SORD: variants seen among roughly 807,000 people sequenced by gnomAD.
SORD encodes sorbitol dehydrogenase, also known as (R,R)-butanediol dehydrogenase.
SORD carries 18 observed loss-of-function variants against 35.6 expected under a neutral mutation model. That is an observed-to-expected ratio of 0.51 (90% CI 0.35 to 0.75). The LOEUF is 0.75. SORD is among the 30% of genes least tolerant of loss of function. The probability of loss-of-function intolerance (pLI) is 0.01; values close to 1 mark genes in which losing one functional copy is unlikely to be tolerated. For synonymous variants in SORD, 106 were observed against 152.9 expected, an observed-to-expected ratio of 0.69 and a Z score of 2.26; for missense variants, 250 against 390.2, an observed-to-expected ratio of 0.64 and a Z score of 3.03.
intron 1 of SORD, among the ~76,000 whole-genome samples, chr15:45,026,287 A>G (rs1892667502): frequency 6.6e-6 from 1 of 152,168 alleles, no homozygotes; most frequent in Non-Finnish European, 1.5e-5. Flanking sequence ...AATCCTGGGG[A>G]AGCTTTGAGG....
rs1305808300 is a variant in SORD, at chr15:45,040,452, G to A, written c.100+11G>A. The A allele has an allele frequency of 6.4e-7, 1 of 1,571,884 alleles. No individual in the cohort carries two copies. Among genetic ancestry groups the A allele is most frequent in the Non-Finnish European group, 8.8e-7 (1 of 1,142,104 alleles). On this transcript the variant is annotated intron_variant, in intron 2 of 8. Transcript: ENST00000267814. ...AACCAGGCCCAAATGGTAAGTTCTT[G>A]GGAAACATGACTTATATTTTATTAT...
chr15:45,027,642 C>T (rs929375508), intron 1 of SORD, among the ~76,000 whole-genome samples: 68 of 152,362 alleles, frequency 4.5e-4, no homozygotes, highest in African/African-American at 1.6e-3. Flanking sequence ...TGGGCCCAGG[C>T]AATAATCTTG....
intron 1 of SORD, among the ~76,000 whole-genome samples, chr15:45,030,288 C>T (rs74817413): frequency 0.21 from 31,109 of 150,598 alleles, no homozygotes; most frequent in African/African-American, 0.44. Flanking sequence ...CAGCCCTATT[C>T]TAAGGGGAGA....
Position 45,023,199 on chromosome 15 carries a change from C to A in SORD, c.-85C>A. The A allele has an allele frequency of 8.2e-7, 1 of 1,217,428 alleles. No individual in the cohort carries two copies. The highest frequency in any genetic ancestry group is 1.1e-6 in the Non-Finnish European group (1 of 892,354). The allele number at this position is 1,217,428 out of a possible 1,614,324, so 75.4% of individuals were successfully genotyped here. On this transcript the variant is annotated 5_prime_UTR_variant, in exon 1 of 9. Coordinates refer to ENST00000267814, the MANE Select transcript of SORD (RefSeq NM_003104.6). ...CCCAGGCCCCACCTTCCATCCAGTG[C>A]CCTGGACCCTCGGCTGGGTAGCGCC...
At chr15:45,064,842 G>T (rs377642813) in intron 4 of SORD, among the ~76,000 whole-genome samples, 1 of 152,182 alleles carries the variant, frequency 6.6e-6, no homozygotes, top group African/African-American at 2.4e-5. Context: ...CCACCATACC[G>T]TAGCTTGGAT....
In SORD at chr15:45,030,929, G is replaced by A. The variant is rs552425380; in HGVS notation, c.66+7580G>A. Among the ~76,000 whole-genome samples the A allele has an allele frequency of 6.0e-4, 91 of 152,366 alleles. 1 individual carries two copies. The highest frequency in any genetic ancestry group is 2.1e-4 in the South Asian group (1 of 4,830). On this transcript the variant is annotated intron_variant, in intron 1 of 8. Coordinates refer to ENST00000267814, the MANE Select transcript of SORD (RefSeq NM_003104.6). ...GTTCCAGCCTACTTGTGCTGACTCC[G>A]ACCAGGAGCCCAGAGGTTTCACAAT...
intron 3 of SORD, among the ~76,000 whole-genome samples, chr15:45,055,726 A>G (rs1893203919): frequency 6.6e-6 from 1 of 152,252 alleles, no homozygotes; most frequent in African/African-American, 2.4e-5. Flanking sequence ...ATGAACATTG[A>G]TGCAAAAATC....
At chr15:45,051,116 A>G (rs886711309) in intron 3 of SORD, among the ~76,000 whole-genome samples, 1 of 152,232 alleles carries the variant, frequency 6.6e-6, no homozygotes, top group African/African-American at 2.4e-5. Context: ...AGATGATTAA[A>G]ACAAGACAAC....
chr15:45,044,974 G>A (rs1394255602), intron 3 of SORD, among the ~76,000 whole-genome samples: 5 of 151,996 alleles, frequency 3.3e-5, no homozygotes, highest in Admixed American at 6.6e-5. Context: ...CTGTGATTAC[G>A]GGCCTGAGCC....
At chr15:45,028,488 G>T (rs1290591172) in intron 1 of SORD, among the ~76,000 whole-genome samples, 3 of 152,236 alleles carry the variant, frequency 2.0e-5, no homozygotes, top group African/African-American at 7.2e-5. Context: ...ATCTGAACAG[G>T]GAGAAGTATA....
At chr15:45,061,506 C>G (rs1451951689) in intron 4 of SORD, among the ~76,000 whole-genome samples, 1 of 152,092 alleles carries the variant, frequency 6.6e-6, no homozygotes, top group Non-Finnish European at 1.5e-5. Context: ...TGCAGACATC[C>G]TGGAGGGAAT....
At chr15:45,024,509 A>G (rs532332829) in intron 1 of SORD, among the ~76,000 whole-genome samples, 95 of 152,258 alleles carry the variant, frequency 6.2e-4, no homozygotes, top group African/African-American at 2.2e-3. Flanking sequence ...AGGTTTTGTT[A>G]GTTAACAGAG....
At chr15:45,059,836 C>T (rs35426906) in intron 3 of SORD, among the ~76,000 whole-genome samples, 9,397 of 152,190 alleles carry the variant, frequency 0.062, 378 homozygotes, top group South Asian at 0.1. Context: ...ATCTGAAAAG[C>T]ATTATGCTAA....
rs1469228297 is a variant in SORD at position 45,073,015 on chromosome 15, G to A, written c.909-350G>A. On this transcript the variant is annotated intron_variant, in intron 8 of 8. Coordinates refer to ENST00000267814, the MANE Select transcript of SORD (RefSeq NM_003104.6). ...CGCCAGTTTTCCAGTAAGCTGAGCT[G>A]TTAGTGGGTGTGACTGGATTGTCCC... Among the ~76,000 whole-genome samples the A allele has an allele frequency of 6.7e-5, 9 of 134,798 alleles. 1 individual carries two copies. The highest frequency in any genetic ancestry group is 1.0e-4 in the Non-Finnish European group (7 of 66,800). 88.4% of individuals were successfully genotyped at this position (134,798 alleles called of 152,430 possible).
Position 45,069,263 on chromosome 15 carries a change from G to A in SORD, c.786+211G>A, listed in dbSNP as rs371702533. ...ACTCAGTCGCCCAGGCTGGAGTGCC[G>A]TGGCTCGATCTCAGCTAACTGCAAG... On this transcript the variant is annotated intron_variant, in intron 7 of 8. Coordinates refer to ENST00000267814, the MANE Select transcript of SORD (RefSeq NM_003104.6). 1.1e-3 allele frequency among the ~76,000 whole-genome samples: 149 copies of A among 134,024 alleles called. 5 individuals carry two copies. In the South Asian group the frequency reaches 0.032, roughly 29 times the overall value. The allele number at this position is 134,024 out of a possible 152,430, so 87.9% of individuals were successfully genotyped here. A position where few individuals can be genotyped will look rare whatever the true frequency, so the allele number is the denominator to read the frequency against.
chr15:45,027,155 G>C (rs146419007), intron 1 of SORD, among the ~76,000 whole-genome samples: 1 of 152,222 alleles, frequency 6.6e-6, no homozygotes, highest in Non-Finnish European at 1.5e-5. Context: ...AAGGATTTTC[G>C]CTTTTCCCTT....
chr15:45,050,145 C>T (rs1031817241), intron 3 of SORD, among the ~76,000 whole-genome samples: 13 of 152,138 alleles, frequency 8.5e-5, no homozygotes, highest in African/African-American at 3.1e-4. Context: ...TGCAGTGGCG[C>T]CATCTGGCTC....
At chr15:45,028,940 T>G (rs1002628385) in intron 1 of SORD, among the ~76,000 whole-genome samples, 1 of 152,256 alleles carries the variant, frequency 6.6e-6, no homozygotes, top group East Asian at 1.9e-4. Context: ...GTGCATCATG[T>G]CTGTTTCTCT....
At chr15:45,028,735 C>T (rs965852037) in intron 1 of SORD, among the ~76,000 whole-genome samples, 5 of 152,202 alleles carry the variant, frequency 3.3e-5, no homozygotes, top group African/African-American at 9.6e-5. Flanking sequence ...ATTGAGGCAA[C>T]GTATTATACC....
Sources: gnomAD v4.1 joint callset for allele counts (sites outside exome capture counted in the v4.1 genomes callset) on GRCh38, gnomAD v4.1.1 for gene constraint, MANE v1.5 for transcripts, NCBI Gene and HGNC (gene_info 2026-07-23, HGNC 2026-07-21) for gene names.